Variants in MBNL2 observed in about 807,000 individuals in gnomAD.
MBNL2 encodes the protein muscleblind like splicing regulator 2.
In MBNL2, 17 loss-of-function variants were observed where a neutral mutation model predicts 41.9. The observed-to-expected ratio is 0.41, with a 90% CI of 0.28 to 0.61. The LOEUF is 0.61. MBNL2 is among the 20% of genes least tolerant of loss of function. The pLI is 0.35. For missense variants in MBNL2, 336 were observed against 505.6 expected (o/e 0.66, Z 3.22); for synonymous variants, 195 against 182.9 (o/e 1.07, Z -0.53).
intron 1 of MBNL2, among the ~76,000 whole-genome samples, chr13:97,233,126 C>CAT (rs376967986): frequency 0.016 from 625 of 39,476 alleles, 21 homozygotes; most frequent in Non-Finnish European, 0.022. Context: ...GGCTCTTTTT[C>CAT]ATATATATAT....
chr13:97,211,631 A>G, the MBNL2 span, among the ~76,000 whole-genome samples: 1 of 152,240 alleles, frequency 6.6e-6, no homozygotes, highest in Non-Finnish European at 1.5e-5. Context: ...CATCAGCATC[A>G]GAATGCTGTT....
At chr13:97,293,840 G>T (rs1366321684) in intron 2 of MBNL2, among the ~76,000 whole-genome samples, 3 of 151,778 alleles carry the variant, frequency 2.0e-5, no homozygotes, top group Admixed American at 1.3e-4. Flanking sequence ...GGAACAGGTG[G>T]TATTTGGTTA....
chr13:97,216,192 C>T, the MBNL2 span, among the ~76,000 whole-genome samples: 1 of 151,100 alleles, frequency 6.6e-6, no homozygotes, highest in Admixed American at 6.6e-5. Context: ...ATTTTCTATT[C>T]CCTGCTGCAT....
intron 2 of MBNL2, among the ~76,000 whole-genome samples, chr13:97,323,746 T>G (rs764137499): frequency 4.6e-5 from 7 of 152,152 alleles, no homozygotes; most frequent in Non-Finnish European, 8.8e-5. Context: ...TTACTCTGGC[T>G]TCTTTTAATT....
chr13:97,331,817 C>CA (rs779760746), intron 2 of MBNL2, among the ~76,000 whole-genome samples: 12 of 152,140 alleles, frequency 7.9e-5, no homozygotes, highest in East Asian at 5.8e-4. Context: ...GCAATTCTCA[C>CA]AAAAAAGAAG....
intron 7 of MBNL2, among the ~76,000 whole-genome samples, chr13:97,361,462 G>A (rs972793150): frequency 8.5e-5 from 13 of 152,166 alleles, no homozygotes; most frequent in African/African-American, 2.4e-4. Flanking sequence ...AGAAGATCAG[G>A]ACCAGAATCT....
the MBNL2 span, among the ~76,000 whole-genome samples, chr13:97,167,450 A>G: frequency 1.3e-5 from 2 of 152,108 alleles, no homozygotes; most frequent in Non-Finnish European, 2.9e-5. Context: ...AGATATTTTT[A>G]TAGGAAAACC....
chr13:97,375,937 G>A (rs975694506), intron 8 of MBNL2, among the ~76,000 whole-genome samples: 6 of 152,104 alleles, frequency 3.9e-5, no homozygotes, highest in African/African-American at 1.4e-4. Flanking sequence ...AGGATATGGT[G>A]GGGCAGTCCT....
At chr13:97,154,474 C>G in the MBNL2 span, among the ~76,000 whole-genome samples, 1 of 151,988 alleles carries the variant, frequency 6.6e-6, no homozygotes, top group East Asian at 1.9e-4. Context: ...ACCACCACAC[C>G]GAGCTAATTT....
chr13:97,332,092 C>A (rs898546801), intron 2 of MBNL2, among the ~76,000 whole-genome samples: 1 of 152,188 alleles, frequency 6.6e-6, no homozygotes, highest in Non-Finnish European at 1.5e-5. Context: ...ATTCCATCCT[C>A]ATTTTCTGGA....
chr13:97,264,694 G>A (rs1358092515), intron 1 of MBNL2, among the ~76,000 whole-genome samples: 2 of 152,216 alleles, frequency 1.3e-5, no homozygotes, highest in Middle Eastern at 3.2e-3. Context: ...TCAAAAAAGG[G>A]GTTATTAGTA....
At chr13:97,273,378 C>T (rs982346750) in intron 1 of MBNL2, among the ~76,000 whole-genome samples, 2 of 152,186 alleles carry the variant, frequency 1.3e-5, no homozygotes, top group African/African-American at 4.8e-5. Flanking sequence ...CAAGTCCAGG[C>T]TGGTCTATGA....
chr13:97,291,330 C>A (rs2055914218), intron 2 of MBNL2, among the ~76,000 whole-genome samples: 1 of 151,960 alleles, frequency 6.6e-6, no homozygotes, highest in African/African-American at 2.4e-5. Flanking sequence ...TACCCTCTGC[C>A]TCCCGGGTTC....
chr13:97,152,159 C>T, the MBNL2 span, among the ~76,000 whole-genome samples: 1 of 152,040 alleles, frequency 6.6e-6, no homozygotes, highest in Non-Finnish European at 1.5e-5. Context: ...ACATTCAGAA[C>T]ATTCTTGTAA....
At chr13:97,202,470 A>G in the MBNL2 span, among the ~76,000 whole-genome samples, 3 of 152,172 alleles carry the variant, frequency 2.0e-5, no homozygotes, top group African/African-American at 7.2e-5. Context: ...AATTAAATGA[A>G]ATAATACACG....
upstream of MBNL2, among the ~76,000 whole-genome samples, chr13:97,219,605 T>C (rs769528435): frequency 9.9e-5 from 15 of 152,178 alleles, no homozygotes; most frequent in Non-Finnish European, 1.5e-4. Context: ...GGCCTCTTTC[T>C]GGTGTCTCAG....
At chr13:97,149,331 C>T in the MBNL2 span, among the ~76,000 whole-genome samples, 3 of 152,196 alleles carry the variant, frequency 2.0e-5, no homozygotes, top group South Asian at 6.2e-4. Context: ...CTTTCTCGTA[C>T]ACTGCGCATG....
chr13:97,381,757 C>T (rs1344170944), intron 8 of MBNL2, among the ~76,000 whole-genome samples: 1 of 151,598 alleles, frequency 6.6e-6, no homozygotes, highest in African/African-American at 2.4e-5. Flanking sequence ...CTTATATCAA[C>T]AATAACCATG....
intron 2 of MBNL2, among the ~76,000 whole-genome samples, chr13:97,320,867 A>G (rs1195133138): frequency 1.3e-5 from 2 of 152,060 alleles, no homozygotes; most frequent in African/African-American, 2.4e-5. Context: ...GTGAGCCGAG[A>G]TCGCACCACT....
Sources: allele counts gnomAD v4.1 joint callset (sites outside exome capture counted in the v4.1 genomes callset), GRCh38; gene constraint gnomAD v4.1.1; transcripts MANE v1.5; gene names NCBI Gene and HGNC (gene_info 2026-07-23, HGNC 2026-07-21).